LGSN: variants seen among roughly 807,000 people sequenced by gnomAD.
The protein encoded by LGSN is lengsin, lens protein with glutamine synthetase domain, also known as lengsin.
In LGSN, 21 loss-of-function variants were observed where a neutral mutation model predicts 19.5. That is an observed-to-expected ratio of 1.07 (90% CI 0.76 to 1.55). The LOEUF is 1.55. Ranked by LOEUF, LGSN falls within the 40% of genes most tolerant of loss-of-function variation. The pLI is 0.00. For synonymous variants in LGSN, 257 were observed against 215.6 expected, an observed-to-expected ratio of 1.19 and a Z score of -1.68; for missense variants, 673 against 608.5, an observed-to-expected ratio of 1.11 and a Z score of -1.12.
the LGSN span, among the ~76,000 whole-genome samples, chr6:63,451,561 AAC>A: frequency 9.7e-4 from 148 of 152,224 alleles, no homozygotes; most frequent in African/African-American, 3.4e-3. Context: ...AACACATGGA[AAC>A]ACAGAGGGGA....
In LGSN at chr6:63,298,216, G is replaced by A. The variant is rs563498543; in HGVS notation, c.31-3171C>T. On this transcript the variant is annotated intron_variant, in intron 1 of 3. Coordinates refer to ENST00000370657, the MANE Select transcript of LGSN (RefSeq NM_016571.3). Reference sequence around the variant, plus strand: ...GTACACCAGCTCCATTGTATCTGTTGCTCTCTCGAATCAACTGGGGATCAT... The same window carrying A: ...GTACACCAGCTCCATTGTATCTGTTACTCTCTCGAATCAACTGGGGATCAT... 3.3e-5 allele frequency among the ~76,000 whole-genome samples: 5 copies of A among 152,312 alleles called. No homozygotes were observed. In the South Asian group the frequency reaches 8.3e-4, roughly 25 times the overall value.
the LGSN span, among the ~76,000 whole-genome samples, chr6:63,362,096 A>T: frequency 0.13 from 19,874 of 152,186 alleles, 2,876 homozygotes; most frequent in African/African-American, 0.36. Flanking sequence ...GGCTGTCATC[A>T]CTTATGATAA....
At chr6:63,325,103 CAAA>C in the LGSN span, among the ~76,000 whole-genome samples, 8 of 65,262 alleles carry the variant, frequency 1.2e-4, no homozygotes, top group African/African-American at 3.2e-4. Context: ...AACTCTGTCT[CAAA>C]AAAAAAAAAA....
At chr6:63,567,806 G>A in the LGSN span, among the ~76,000 whole-genome samples, 1 of 152,178 alleles carries the variant, frequency 6.6e-6, no homozygotes, top group Non-Finnish European at 1.5e-5. Context: ...GTTATTTAGT[G>A]TAGCCACCTT....
At chr6:63,562,311 T>C in the LGSN span, among the ~76,000 whole-genome samples, 3 of 152,038 alleles carry the variant, frequency 2.0e-5, no homozygotes, top group Non-Finnish European at 4.4e-5. Flanking sequence ...GTGATTCTTC[T>C]GCCTCAGCCT....
the LGSN span, among the ~76,000 whole-genome samples, chr6:63,437,707 C>T: frequency 6.6e-6 from 1 of 151,826 alleles, no homozygotes; most frequent in Admixed American, 6.6e-5. Flanking sequence ...CTGAGGCGGG[C>T]GGATTTGAGG....
At chr6:63,556,175 T>A in the LGSN span, among the ~76,000 whole-genome samples, 2 of 152,196 alleles carry the variant, frequency 1.3e-5, no homozygotes, top group African/African-American at 2.4e-5. Flanking sequence ...AATTTTTTAC[T>A]GTGATTTATT....
At chr6:63,543,517 C>G in the LGSN span, among the ~76,000 whole-genome samples, 1 of 152,090 alleles carries the variant, frequency 6.6e-6, no homozygotes, top group Non-Finnish European at 1.5e-5. Flanking sequence ...CAGTATCTGA[C>G]AGGAAGAATA....
chr6:63,476,964 T>C, the LGSN span, among the ~76,000 whole-genome samples: 4 of 152,254 alleles, frequency 2.6e-5, no homozygotes, highest in African/African-American at 7.2e-5. Context: ...ATAAGCATCC[T>C]TTACTCTGAA....
At chr6:63,555,692 C>CTT in the LGSN span, among the ~76,000 whole-genome samples, 56 of 135,006 alleles carry the variant, frequency 4.1e-4, no homozygotes, top group African/African-American at 6.4e-4. Context: ...CAATTACACT[C>CTT]TTTTTTTTTT....
chr6:63,547,154 G>GAA, the LGSN span, among the ~76,000 whole-genome samples: 1 of 151,598 alleles, frequency 6.6e-6, no homozygotes, highest in Non-Finnish European at 1.5e-5. Context: ...ATGCCTTTCA[G>GAA]GAGTTCAGAA....
chr6:63,508,586 T>C, the LGSN span, among the ~76,000 whole-genome samples: 81,481 of 151,932 alleles, frequency 0.54, 23,671 homozygotes, highest in African/African-American at 0.77. Context: ...GTCATTAGGG[T>C]AATTCACTTC....
chr6:63,328,835 G>A, the LGSN span, among the ~76,000 whole-genome samples: 1 of 152,190 alleles, frequency 6.6e-6, no homozygotes, highest in Non-Finnish European at 1.5e-5. Context: ...CTTGATTGGA[G>A]TATAGAGGAG....
chr6:63,293,671 A>G (rs1484691768), intron 2 of LGSN: 1 of 451,520 alleles, frequency 2.2e-6, no homozygotes, highest in East Asian at 7.0e-5. Context: ...TCCTTACCAG[A>G]GTTTGGGTTA....
At chr6:63,291,294 C>A (rs1767756803) in intron 2 of LGSN, among the ~76,000 whole-genome samples, 1 of 152,068 alleles carries the variant, frequency 6.6e-6, no homozygotes, top group South Asian at 2.1e-4. Context: ...CCTTTTACAC[C>A]CTATTCTCTA....
At chr6:63,321,493 A>G (rs918528004), upstream of LGSN, among the ~76,000 whole-genome samples, 1 of 152,074 alleles carries the variant, frequency 6.6e-6, no homozygotes, top group East Asian at 1.9e-4. Context: ...TGAATATGCA[A>G]TTTGATTCAT....
intron 1 of LGSN, among the ~76,000 whole-genome samples, chr6:63,302,704 C>T (rs1186548067): frequency 6.6e-6 from 1 of 152,172 alleles, no homozygotes. Context: ...ATAAGCAGTG[C>T]TATGCACCTA....
At chr6:63,288,423 A>G (rs1422329114) in intron 2 of LGSN, among the ~76,000 whole-genome samples, 1 of 151,866 alleles carries the variant, frequency 6.6e-6, no homozygotes, top group Non-Finnish European at 1.5e-5. Flanking sequence ...ACATGCCATC[A>G]AATACAAGGG....
chr6:63,356,829 A>G, the LGSN span, among the ~76,000 whole-genome samples: 1 of 151,956 alleles, frequency 6.6e-6, no homozygotes, highest in South Asian at 2.1e-4. Flanking sequence ...TTAAAATCAC[A>G]ACCCCCAATT....
Sources: gnomAD v4.1 joint callset for allele counts (sites outside exome capture counted in the v4.1 genomes callset) on GRCh38, gnomAD v4.1.1 for gene constraint, MANE v1.5 for transcripts, NCBI Gene and HGNC (gene_info 2026-07-23, HGNC 2026-07-21) for gene names.